The following GRID2 variants were observed in gnomAD, a reference collection of about 807,000 sequenced individuals.
The protein encoded by GRID2 is glutamate ionotropic receptor delta type subunit 2, also known as glutamate receptor ionotropic, delta-2.
GRID2 carries 33 observed loss-of-function variants against 114.8 expected under a neutral mutation model. The observed-to-expected ratio is 0.29, with a 90% CI of 0.22 to 0.38. The LOEUF is 0.38. GRID2 is among the 10% of genes least tolerant of loss of function. GRID2 has a pLI of 1.00. For missense variants in GRID2, 1,184 were observed against 1,257.7 expected (o/e 0.94, Z 0.89); for synonymous variants, 505 against 449.9 (o/e 1.12, Z -1.55).
chr4:93,175,247 C>A lies in GRID2; in HGVS notation c.736-32157C>A, dbSNP rs967525473. Among the ~76,000 whole-genome samples, 8 of 152,118 alleles carry A rather than the reference C, an allele frequency of 5.3e-5. No individual in the cohort carries two copies. The South Asian group carries it at 1.7e-3, about 32-fold the overall frequency. On this transcript the variant is annotated intron_variant, in intron 4 of 15. Coordinates refer to ENST00000282020, the MANE Select transcript of GRID2 (RefSeq NM_001510.4). Reference sequence around the variant, plus strand: ...GTGCAGTGGCATGATCTCGGCTCACCGCAACCTCTGCCTCTTGAGTTCAAA... The same window carrying A: ...GTGCAGTGGCATGATCTCGGCTCACAGCAACCTCTGCCTCTTGAGTTCAAA...
chr4:92,784,628 A>G (rs1464940222), intron 2 of GRID2, among the ~76,000 whole-genome samples: 2 of 151,932 alleles, frequency 1.3e-5, no homozygotes, highest in Non-Finnish European at 2.9e-5. Flanking sequence ...AAAATGTGAA[A>G]TGTTTGAAAT....
At chr4:93,747,684 A>C (rs555629502) in intron 14 of GRID2, among the ~76,000 whole-genome samples, 205 of 152,284 alleles carry the variant, frequency 1.3e-3, no homozygotes, top group African/African-American at 4.7e-3. Context: ...AATAATATGT[A>C]AAATGTTTTT....
intron 2 of GRID2, among the ~76,000 whole-genome samples, chr4:92,751,791 C>G (rs919362061): frequency 6.6e-6 from 1 of 152,116 alleles, no homozygotes; most frequent in African/African-American, 2.4e-5. Flanking sequence ...CAATCTAAAG[C>G]TAGTTGGCAA....
chr4:92,631,060 C>CT (rs961165508), intron 2 of GRID2, among the ~76,000 whole-genome samples: 2 of 151,536 alleles, frequency 1.3e-5, no homozygotes, highest in Non-Finnish European at 2.9e-5. Flanking sequence ...CTGTTCTTCT[C>CT]TTTTTTTCCT....
intron 8 of GRID2, among the ~76,000 whole-genome samples, chr4:93,341,662 G>T (rs953035521): frequency 6.6e-6 from 1 of 152,062 alleles, no homozygotes; most frequent in Non-Finnish European, 1.5e-5. Context: ...TCTTATTTGT[G>T]ATTTCATCCT....
Position 93,657,471 on chromosome 4 carries a change from A to G in GRID2, c.2360+31036A>G, listed in dbSNP as rs1723120087. Among the ~76,000 whole-genome samples the G allele has an allele frequency of 2.0e-5, 3 of 152,174 alleles. 1 individual carries two copies. In the South Asian group the frequency reaches 6.2e-4, roughly 32 times the overall value. ...TTTTCTCTACTTTAAATACTCTATC[A>G]TGGAACTATTCGATTTGATGGGACA... is the stretch of plus-strand genomic sequence containing the variant. On this transcript the variant is annotated intron_variant, in intron 14 of 15. Transcript: ENST00000282020.
chr4:92,990,051 T>C (rs900246362), intron 2 of GRID2, among the ~76,000 whole-genome samples: 2 of 152,014 alleles, frequency 1.3e-5, no homozygotes, highest in Admixed American at 1.3e-4. Context: ...ACTTTCACAG[T>C]AATCAAACAA....
chr4:92,726,037 A>T (rs919493950), intron 2 of GRID2, among the ~76,000 whole-genome samples: 45 of 152,256 alleles, frequency 3.0e-4, no homozygotes, highest in African/African-American at 1.1e-3. Flanking sequence ...ATGTTCTAGA[A>T]AAACAAGGCA....
At chr4:93,586,268 C>T (rs1190090892) in intron 13 of GRID2, among the ~76,000 whole-genome samples, 1 of 152,058 alleles carries the variant, frequency 6.6e-6, no homozygotes, top group Non-Finnish European at 1.5e-5. Context: ...TTCCCTCATA[C>T]TCAGGACTTA....
chr4:92,442,405 C>T (rs191611835), intron 1 of GRID2, among the ~76,000 whole-genome samples: 5 of 152,038 alleles, frequency 3.3e-5, no homozygotes, highest in African/African-American at 7.2e-5. Context: ...GGCCCGGTGG[C>T]CAGATTTCCG....
At chr4:92,315,730 G>A (rs1725932588) in intron 1 of GRID2, among the ~76,000 whole-genome samples, 1 of 152,022 alleles carries the variant, frequency 6.6e-6, no homozygotes, top group South Asian at 2.1e-4. Flanking sequence ...CAACACTTCG[G>A]GAGGCTGAGG....
chr4:93,695,144 C>T (rs1263496186), intron 14 of GRID2, among the ~76,000 whole-genome samples: 1 of 149,596 alleles, frequency 6.7e-6, no homozygotes, highest in Non-Finnish European at 1.5e-5. Context: ...GCACTCCAGC[C>T]TGGGCAACAG....
At chr4:93,442,195 A>G (rs1343633442) in intron 10 of GRID2, among the ~76,000 whole-genome samples, 1 of 152,078 alleles carries the variant, frequency 6.6e-6, no homozygotes, top group East Asian at 1.9e-4. Context: ...TGAAGATAAA[A>G]ATTCACTCAA....
chr4:93,401,296 G>A (rs1009539335), intron 9 of GRID2, among the ~76,000 whole-genome samples: 3 of 152,074 alleles, frequency 2.0e-5, no homozygotes, highest in Admixed American at 2.0e-4. Context: ...GAAGTCTATA[G>A]TAAAGACTGT....
intron 2 of GRID2, among the ~76,000 whole-genome samples, chr4:92,696,794 T>A (rs2149297716): frequency 6.6e-6 from 1 of 152,254 alleles, no homozygotes; most frequent in Non-Finnish European, 1.5e-5. Context: ...CATTAATGTG[T>A]GTGTCATAAT....
chr4:92,409,456 A>T (rs1277519932), intron 1 of GRID2, among the ~76,000 whole-genome samples: 3 of 152,094 alleles, frequency 2.0e-5, no homozygotes, highest in Non-Finnish European at 4.4e-5. Context: ...TTAAGTATTT[A>T]TTACTTTCTG....
At chr4:92,502,646 C>T (rs1723740984) in intron 1 of GRID2, among the ~76,000 whole-genome samples, 1 of 147,412 alleles carries the variant, frequency 6.8e-6, no homozygotes. Flanking sequence ...AAATATATTA[C>T]AGCAGAAATA....
intron 1 of GRID2, among the ~76,000 whole-genome samples, chr4:93,785,208 T>C (rs1734567742): frequency 6.6e-6 from 1 of 152,178 alleles, no homozygotes; most frequent in Non-Finnish European, 1.5e-5. Flanking sequence ...ATGTTTGAGT[T>C]TCGTACCTTT....
At chr4:92,925,586 A>C (rs983577851) in intron 2 of GRID2, among the ~76,000 whole-genome samples, 1 of 152,042 alleles carries the variant, frequency 6.6e-6, no homozygotes, top group Non-Finnish European at 1.5e-5. Flanking sequence ...AAACTAGATC[A>C]AATGATTTTT....
Sources: gnomAD v4.1 joint callset for allele counts (sites outside exome capture counted in the v4.1 genomes callset) on GRCh38, gnomAD v4.1.1 for gene constraint, MANE v1.5 for transcripts, NCBI Gene and HGNC (gene_info 2026-07-23, HGNC 2026-07-21) for gene names.